NBEA: variants seen among roughly 807,000 people sequenced by gnomAD.
The protein encoded by NBEA is neurobeachin, also known as lysosomal-trafficking regulator 2.
A neutral mutation model predicts 343.4 loss-of-function variants in NBEA; 44 were observed. The ratio of observed to expected loss-of-function variants is 0.13; its 90% CI spans 0.10 to 0.16. The LOEUF (loss-of-function observed/expected upper bound fraction) is 0.16. Ranked by LOEUF, NBEA falls within the 10% of genes least tolerant of loss-of-function variation. The probability of loss-of-function intolerance (pLI) is 1.00; values close to 1 mark genes in which losing one functional copy is unlikely to be tolerated. For missense variants in NBEA, 2,555 were observed against 3,631.3 expected (o/e 0.70, Z 7.62); for synonymous variants, 1,175 against 1,238.7 (o/e 0.95, Z 1.08).
At chr13:35,637,687 T>G (rs2083751978) in intron 49 of NBEA, among the ~76,000 whole-genome samples, 1 of 152,040 alleles carries the variant, frequency 6.6e-6, no homozygotes, top group East Asian at 1.9e-4. Context: ...CCGGGCATGG[T>G]GGCAGGCACC....
At chr13:35,032,264 C>T (rs920910085) in intron 1 of NBEA, among the ~76,000 whole-genome samples, 3 of 151,996 alleles carry the variant, frequency 2.0e-5, no homozygotes, top group Middle Eastern at 3.4e-3. Context: ...TACACTCCCA[C>T]CAACAGCACA....
chr13:35,068,101 A>C (rs2063723226), intron 8 of NBEA, among the ~76,000 whole-genome samples: 2 of 151,972 alleles, frequency 1.3e-5, no homozygotes, highest in Non-Finnish European at 2.9e-5. Flanking sequence ...AAGATAAGAA[A>C]ATTTTCTTCA....
chr13:35,008,640 A>G (rs1032562719), intron 1 of NBEA, among the ~76,000 whole-genome samples: 10 of 152,110 alleles, frequency 6.6e-5, no homozygotes, highest in Non-Finnish European at 1.2e-4. Flanking sequence ...CATCTACTTA[A>G]TTCTAGAATA....
chr13:35,118,126 AAACT>A lies in NBEA; in HGVS notation c.2083-97_2083-94del, dbSNP rs2066601280. 6.7e-6 allele frequency: 5 copies of A among 742,114 alleles called. No individual in the cohort carries two copies. The South Asian group carries it at 1.4e-4, about 21-fold the overall frequency. 46.0% of individuals were successfully genotyped at this position (742,114 alleles called of 1,614,324 possible). On this transcript the variant is annotated intron_variant, in intron 14 of 58. Transcript: ENST00000379939. ...ATTTTAATTAAAATATCACTACATT[AAACT>A]AACTCTTATTTTCTTTTACAATGAT...
chr13:35,469,669 T>C (rs2075555964), intron 40 of NBEA, among the ~76,000 whole-genome samples: 1 of 152,232 alleles, frequency 6.6e-6, no homozygotes, highest in East Asian at 1.9e-4. Context: ...ATTGCTATAG[T>C]AGTGATTGGG....
chr13:35,437,646 T>C (rs764399799), intron 39 of NBEA, among the ~76,000 whole-genome samples: 2 of 152,280 alleles, frequency 1.3e-5, no homozygotes, highest in Middle Eastern at 3.4e-3. Context: ...TTAGGTGTTT[T>C]CTAATAGTAA....
chr13:35,283,375 G>A (rs1299844627), intron 34 of NBEA, among the ~76,000 whole-genome samples: 1 of 152,064 alleles, frequency 6.6e-6, no homozygotes, highest in Non-Finnish European at 1.5e-5. Context: ...TAAACATTCT[G>A]GGATTACAAT....
intron 35 of NBEA, among the ~76,000 whole-genome samples, chr13:35,303,775 T>C (rs1290906533): frequency 6.6e-6 from 1 of 152,164 alleles, no homozygotes; most frequent in Non-Finnish European, 1.5e-5. Flanking sequence ...CTCTTCATCA[T>C]AAAAACTTCA....
chr13:35,268,312 G>T (rs1452464600), intron 34 of NBEA, among the ~76,000 whole-genome samples: 1 of 151,996 alleles, frequency 6.6e-6, no homozygotes, highest in East Asian at 1.9e-4. Context: ...AAAAATCACA[G>T]AGACAGAAAA....
At chr13:35,115,468 G>A (rs549972666) in intron 13 of NBEA, among the ~76,000 whole-genome samples, 3 of 152,000 alleles carry the variant, frequency 2.0e-5, no homozygotes, top group East Asian at 1.9e-4. Flanking sequence ...AAATAACTCC[G>A]TCCCAAATTT....
intron 10 of NBEA, among the ~76,000 whole-genome samples, chr13:35,082,825 G>T (rs980146778): frequency 6.6e-6 from 1 of 152,098 alleles, no homozygotes; most frequent in African/African-American, 2.4e-5. Context: ...TTAGCCCTTT[G>T]TCAGATGAGT....
At chr13:35,498,088 A>T (rs2076749763) in intron 41 of NBEA, among the ~76,000 whole-genome samples, 1 of 152,070 alleles carries the variant, frequency 6.6e-6, no homozygotes, top group African/African-American at 2.4e-5. Flanking sequence ...ACCAAATTTC[A>T]TAAAGGAAAT....
chr13:35,026,042 C>A (rs1358534339), intron 1 of NBEA, among the ~76,000 whole-genome samples: 1 of 152,042 alleles, frequency 6.6e-6, no homozygotes, highest in African/African-American at 2.4e-5. Flanking sequence ...ATAATCTCCA[C>A]ATGTCAAGGA....
At chr13:34,963,372 T>C (rs987169814) in intron 1 of NBEA, among the ~76,000 whole-genome samples, 1 of 151,972 alleles carries the variant, frequency 6.6e-6, no homozygotes, top group Non-Finnish European at 1.5e-5. Context: ...TTAGGGCCTA[T>C]CCATATGATT....
intron 1 of NBEA, among the ~76,000 whole-genome samples, chr13:35,021,537 C>G (rs148294394): frequency 6.6e-6 from 1 of 152,040 alleles, no homozygotes; most frequent in East Asian, 1.9e-4. Flanking sequence ...TTTTCTTTCT[C>G]CTTTTCCTAT....
At chr13:35,155,989 T>C (rs1044612558) in intron 19 of NBEA, 94 bp from the exon 20 acceptor site, 3 of 1,462,002 alleles carry the variant, frequency 2.1e-6, no homozygotes, top group East Asian at 2.3e-5. Flanking sequence ...TCACCTTTTA[T>C]AGTGTTAAGT....
At chr13:35,520,726 G>A (rs1423963399) in intron 41 of NBEA, among the ~76,000 whole-genome samples, 1 of 151,964 alleles carries the variant, frequency 6.6e-6, no homozygotes, top group Non-Finnish European at 1.5e-5. Flanking sequence ...TTTTCCTTTT[G>A]ACCTCAAAGA....
intron 38 of NBEA, among the ~76,000 whole-genome samples, chr13:35,422,992 G>T (rs181550967): frequency 0.016 from 2,437 of 152,174 alleles, 83 homozygotes; most frequent in African/African-American, 0.055. Context: ...TGTTGATGGG[G>T]TTGTTTGTTT....
rs191576421 is a variant in NBEA, at chr13:35,057,644, T to G, written c.1093-1073T>G. 2.3e-3 allele frequency among the ~76,000 whole-genome samples: 345 copies of G among 152,260 alleles called. 1 individual carries two copies. The highest frequency in any genetic ancestry group is 4.7e-3 in the Admixed American group (72 of 15,264). On this transcript the variant is annotated intron_variant, in intron 7 of 58. Transcript: ENST00000379939. ...TTAGAATACACAGATGAAATTCTGC[T>G]TTTTATCTTCTCTCCAGAGGAGATC... is the stretch of plus-strand genomic sequence containing the variant.
Sources: gnomAD v4.1 joint callset for allele counts (sites outside exome capture counted in the v4.1 genomes callset) on GRCh38, gnomAD v4.1.1 for gene constraint, MANE v1.5 for transcripts, NCBI Gene and HGNC (gene_info 2026-07-23, HGNC 2026-07-21) for gene names.